Variants in IARS2 observed in about 807,000 individuals in gnomAD.
IARS2 encodes the protein isoleucyl-tRNA synthetase 2, mitochondrial.
A neutral mutation model predicts 126.3 loss-of-function variants in IARS2; 56 were observed. The ratio of observed to expected loss-of-function variants is 0.44; its 90% CI spans 0.36 to 0.55. The LOEUF is 0.55. IARS2 is among the 20% of genes least tolerant of loss of function. The pLI is 0.00. For synonymous variants in IARS2, 407 were observed against 441.1 expected (o/e 0.92, Z 0.97); for missense variants, 1,127 against 1,245.9 (o/e 0.90, Z 1.44).
chr1:220,098,138 C>T (rs191021310), intron 2 of IARS2, among the ~76,000 whole-genome samples: 145 of 152,236 alleles, frequency 9.5e-4, no homozygotes, highest in African/African-American at 3.3e-3. Context: ...CCACCCGCCT[C>T]GGCCTCCCAA....
intron 14 of IARS2, among the ~76,000 whole-genome samples, chr1:220,128,537 C>A (rs1657197573): frequency 6.6e-6 from 1 of 152,080 alleles, no homozygotes; most frequent in Non-Finnish European, 1.5e-5. Flanking sequence ...CACCTAAGGA[C>A]ACATTTCTCA....
At chr1:220,135,635 C>G (rs1241209088) in intron 15 of IARS2, among the ~76,000 whole-genome samples, 1 of 152,008 alleles carries the variant, frequency 6.6e-6, no homozygotes, top group Non-Finnish European at 1.5e-5. Context: ...GCTGGGATTA[C>G]AGGCGTGAGC....
At chr1:220,144,319 A>T in intron 21 of IARS2, 1 of 750,448 alleles carries the variant, frequency 1.3e-6, no homozygotes, top group Non-Finnish European at 2.4e-6. Flanking sequence ...GATGCTCTTG[A>T]GAGCATCAGC....
chr1:220,138,442 G>T (rs574086416), intron 17 of IARS2, among the ~76,000 whole-genome samples: 1 of 152,272 alleles, frequency 6.6e-6, no homozygotes, highest in Non-Finnish European at 1.5e-5. Flanking sequence ...CTGGACTCCA[G>T]CCTGGCGACA....
At chr1:220,096,264 G>A (rs1656437011) in intron 2 of IARS2, 38 bp downstream of exon 2, 3 of 1,358,926 alleles carry the variant, frequency 2.2e-6, no homozygotes, top group Non-Finnish European at 3.0e-6. Flanking sequence ...GAAAGAAAGT[G>A]TTTATGTAAA....
At chr1:220,127,667 G>C (rs1657181610) in intron 14 of IARS2, among the ~76,000 whole-genome samples, 1 of 152,140 alleles carries the variant, frequency 6.6e-6, no homozygotes, top group South Asian at 2.1e-4. Flanking sequence ...TTGCTTTCTG[G>C]AGTAAGGGTA....
intron 2 of IARS2, among the ~76,000 whole-genome samples, chr1:220,097,731 T>C (rs1656476932): frequency 6.6e-6 from 1 of 152,226 alleles, no homozygotes. Context: ...CATCTATTTC[T>C]GAATCAGTCA....
intron 13 of IARS2, 119 bp downstream of exon 13, chr1:220,125,458 A>G: frequency 1.5e-6 from 1 of 645,958 alleles, no homozygotes; most frequent in Non-Finnish European, 2.7e-6. Flanking sequence ...TATTTACTGT[A>G]AATTAGAAGC....
intron 12 of IARS2, among the ~76,000 whole-genome samples, chr1:220,116,803 G>A (rs1656921851): frequency 6.6e-6 from 1 of 152,080 alleles, no homozygotes. Context: ...CTGGAGTGCA[G>A]TGATGTGATC....
intron 12 of IARS2, among the ~76,000 whole-genome samples, chr1:220,124,235 A>G (rs902844705): frequency 3.9e-5 from 6 of 152,232 alleles, no homozygotes; most frequent in Admixed American, 3.9e-4. Context: ...TTTGTGAGAA[A>G]CTATAGTATG....
At position 220,143,014 on chromosome 1, in the gene IARS2, A is replaced by C; in HGVS notation, c.2631A>C (p.Glu877Asp). 6.2e-7 allele frequency: 1 copy of C among 1,614,162 alleles called. No homozygotes were observed. The highest frequency in any genetic ancestry group is 8.5e-7 in the Non-Finnish European group (1 of 1,180,000). Reference protein sequence around the residue: ...SSIWKKPGLEEAVESACAMRD... With the variant: ...SSIWKKPGLEDAVESACAMRD... ...TCTGGAAAAAGCCCGGGTTGGAAGA[A>C]GCTGTGGAGAGTGCGTGTGCAATGC... The change falls in exon 21 of 23, where the codon GAA becomes GAC. Residue 877 changes from glutamate to aspartate, a missense_variant. Physicochemically the swap from Glu to Asp is conservative, Grantham distance 45 (BLOSUM62 2). Coordinates refer to ENST00000366922, the MANE Select transcript of IARS2 (RefSeq NM_018060.4).
intron 14 of IARS2, among the ~76,000 whole-genome samples, chr1:220,132,586 C>T (rs1352049163): frequency 6.9e-6 from 1 of 145,094 alleles, no homozygotes; most frequent in Admixed American, 7.2e-5. Context: ...AGTGCAGTGG[C>T]CTGATCTCAT....
At chr1:220,132,770 C>T (rs567125281) in intron 14 of IARS2, among the ~76,000 whole-genome samples, 3 of 151,926 alleles carry the variant, frequency 2.0e-5, no homozygotes, top group African/African-American at 4.8e-5. Flanking sequence ...GTGATCCACC[C>T]GCCTTTGCCT....
intron 12 of IARS2, among the ~76,000 whole-genome samples, chr1:220,123,890 T>C (rs1433470754): frequency 1.3e-5 from 2 of 152,254 alleles, no homozygotes; most frequent in African/African-American, 4.8e-5. Context: ...AATAATCAGT[T>C]TGAATAATGC....
intron 2 of IARS2, among the ~76,000 whole-genome samples, chr1:220,096,555 G>C (rs1656447239): frequency 6.6e-6 from 1 of 152,172 alleles, no homozygotes; most frequent in Non-Finnish European, 1.5e-5. Flanking sequence ...TCAGTGCTTG[G>C]CCCACAGATA....
At chr1:220,136,768 T>C in intron 15 of IARS2, 41 bp from the exon 16 acceptor site, 1 of 1,041,286 alleles carries the variant, frequency 9.6e-7, no homozygotes. Context: ...AAGATAATTA[T>C]AATTGTGTTT....
intron 12 of IARS2, among the ~76,000 whole-genome samples, chr1:220,120,155 A>C (rs1381072425): frequency 4.2e-5 from 6 of 142,832 alleles, no homozygotes; most frequent in South Asian, 2.2e-4. Flanking sequence ...GATCTTGGCT[A>C]ACTGCAACCT....
chr1:220,142,344 T>C (rs2102841995), intron 20 of IARS2, among the ~76,000 whole-genome samples: 1 of 152,100 alleles, frequency 6.6e-6, no homozygotes, highest in African/African-American at 2.4e-5. Flanking sequence ...ACTAAAAATA[T>C]AAAAATTAGT....
intron 10 of IARS2, among the ~76,000 whole-genome samples, chr1:220,108,397 T>A (rs1226093242): frequency 6.6e-6 from 1 of 151,050 alleles, no homozygotes; most frequent in Non-Finnish European, 1.5e-5. Context: ...TATTTTTATT[T>A]TTTTTTTAAG....
Sources: allele counts gnomAD v4.1 joint callset (sites outside exome capture counted in the v4.1 genomes callset), GRCh38; gene constraint gnomAD v4.1.1; transcripts MANE v1.5; gene names NCBI Gene and HGNC (gene_info 2026-07-23, HGNC 2026-07-21).